The following KNTC1 variants were observed in gnomAD, a reference collection of about 807,000 sequenced individuals.
KNTC1 encodes the protein kinetochore-associated protein 1.
KNTC1 carries 253 observed loss-of-function variants against 314.4 expected under a neutral mutation model. The observed-to-expected ratio is 0.80, with a 90% CI of 0.73 to 0.89. The LOEUF (loss-of-function observed/expected upper bound fraction) is 0.89. KNTC1 is among the 40% of genes least tolerant of loss of function. The pLI, the probability that KNTC1 is intolerant of heterozygous loss-of-function variation, is 0.00. For synonymous variants in KNTC1, 901 were observed against 901.4 expected, an observed-to-expected ratio of 1.00 and a Z score of 0.01; for missense variants, 2,475 against 2,572.9, an observed-to-expected ratio of 0.96 and a Z score of 0.82.
In KNTC1 at chr12:122,571,038, A is replaced by T; in HGVS notation, c.1931A>T (p.Glu644Val). 3 of 1,613,500 alleles carry T rather than the reference A, an allele frequency of 1.9e-6. No individual in the cohort carries two copies. The highest frequency in any genetic ancestry group is 2.5e-6 in the Non-Finnish European group (3 of 1,179,520). ...TCTTTTTTAAAGGCAAATTGGCCAG[A>T]AAATGGACTTCAATTGGCAGAGATA... Reference protein sequence around the residue: ...LELTDKANWPENGLQLAEIFF... With the variant: ...LELTDKANWPVNGLQLAEIFF... The change falls in exon 24 of 64, where the codon GAA becomes GTA. Residue 644 changes from glutamate to valine, a missense_variant. Physicochemically the swap from Glu to Val is moderately radical, Grantham distance 121. Transcript: ENST00000333479.
intron 24 of KNTC1, among the ~76,000 whole-genome samples, chr12:122,571,925 G>A (rs949341591): frequency 6.6e-6 from 1 of 151,714 alleles, no homozygotes; most frequent in Non-Finnish European, 1.5e-5. Flanking sequence ...TGCACTGCTC[G>A]GCCTCCCAAA....
In KNTC1 at chr12:122,579,944, G is replaced by A; in HGVS notation, c.2881G>A (p.Asp961Asn). 1 of 1,611,064 alleles carries A rather than the reference G, an allele frequency of 6.2e-7. No homozygotes were observed. The highest frequency in any genetic ancestry group is 8.5e-7 in the Non-Finnish European group (1 of 1,177,472). The change falls in exon 32 of 64, where the codon GAC becomes AAC. Residue 961 changes from aspartate (D) to asparagine (N), a missense_variant. Transcript: ENST00000333479. Reference sequence around the variant, plus strand: ...AATGTCTGTAGCGAAGACATCCGTGGACATTCTTAAGATACTATGTGACAT... The same window carrying A: ...AATGTCTGTAGCGAAGACATCCGTGAACATTCTTAAGATACTATGTGACAT... ...WRMSVAKTSV[D>N]ILKILCDIQK...
intron 42 of KNTC1, 123 bp from the exon 43 acceptor site, chr12:122,594,153 G>A: frequency 3.2e-6 from 2 of 626,314 alleles, no homozygotes; most frequent in Non-Finnish European, 5.6e-6. Context: ...GGTTGGAGGA[G>A]CTATAGACAA....
intron 33 of KNTC1, among the ~76,000 whole-genome samples, chr12:122,582,408 C>G (rs1056938807): frequency 3.9e-5 from 6 of 151,956 alleles, no homozygotes; most frequent in Admixed American, 1.3e-4. Flanking sequence ...CAGAGTGAAA[C>G]CCTGCCTTAA....
intron 33 of KNTC1, 61 bp downstream of exon 33, chr12:122,580,731 T>G (rs946842695): frequency 1.7e-6 from 2 of 1,201,670 alleles, no homozygotes; most frequent in Non-Finnish European, 2.4e-6. Context: ...TTTTCCCTCC[T>G]TAAAGTTTTC....
At position 122,587,823 on chromosome 12, in the gene KNTC1, C is replaced by T; in HGVS notation, c.3843C>T (p.Thr1281=). 6 of 1,613,838 alleles carry T rather than the reference C, an allele frequency of 3.7e-6. No homozygotes were observed. The highest frequency in any genetic ancestry group is 5.1e-6 in the Non-Finnish European group (6 of 1,179,822). ...ALRFVVGSFG[T]CLQHSVSNFM... ...GATTTGTGGTTGGTTCATTTGGTAC[C>T]TGTCTTCAGCACTCTGTGTCAAACT... The change falls in exon 39 of 64, where the codon ACC becomes ACT. Residue 1281 remains threonine (T), a synonymous_variant. Transcript: ENST00000333479.
chr12:122,571,597 G>C (rs1964692453), intron 24 of KNTC1, among the ~76,000 whole-genome samples: 1 of 152,058 alleles, frequency 6.6e-6, no homozygotes, highest in East Asian at 1.9e-4. Flanking sequence ...AGACCCAAGT[G>C]ATCTACCCAC....
intron 54 of KNTC1, 138 bp from the exon 55 acceptor site, chr12:122,613,488 A>G (rs1873407877): frequency 2.8e-6 from 2 of 711,846 alleles, no homozygotes; most frequent in South Asian, 4.4e-5. Context: ...TAATGTTATT[A>G]TATATTCAGT....
intron 57 of KNTC1, among the ~76,000 whole-genome samples, chr12:122,617,792 T>G (rs1021880402): frequency 3.3e-5 from 5 of 152,240 alleles, no homozygotes; most frequent in Non-Finnish European, 7.3e-5. Flanking sequence ...AAACTATAAA[T>G]GTACAGTTTT....
chr12:122,592,636 G>A (rs187260993), intron 42 of KNTC1, among the ~76,000 whole-genome samples: 3 of 152,304 alleles, frequency 2.0e-5, no homozygotes, highest in African/African-American at 7.2e-5. Context: ...GAGAACCTGT[G>A]TGTCAAAACT....
At position 122,566,534 on chromosome 12, in the gene KNTC1, C is replaced by T. The variant is rs778111144; in HGVS notation, c.1605-1727C>T. On this transcript the variant is annotated intron_variant, in intron 20 of 63. Transcript: ENST00000333479. Reference sequence around the variant, plus strand: ...AAGTGATTCTCCTGCCTCAGCCTCCCGACTAGCTGGGATTACAGGCATGCA... The same window carrying T: ...AAGTGATTCTCCTGCCTCAGCCTCCTGACTAGCTGGGATTACAGGCATGCA... Among the ~76,000 whole-genome samples the T allele has an allele frequency of 2.4e-4, 36 of 151,388 alleles. No individual in the cohort carries two copies. The Middle Eastern group carries it at 0.017, about 72-fold the overall frequency.
rs1555224817 is a variant in KNTC1, at chr12:122,554,076, A to ATATATAT, written c.1272+2380_1272+2381insTATATAT. On this transcript the variant is annotated intron_variant, in intron 16 of 63. Coordinates refer to ENST00000333479, the MANE Select transcript of KNTC1 (RefSeq NM_014708.6). ...CAGAATACTTCCTTAAAAAAAAAAA[A>ATATATAT]ATATATATATATATATATATATATT... Among the ~76,000 whole-genome samples, 811 of 108,986 alleles carry ATATATAT rather than the reference A, an allele frequency of 7.4e-3. 7 individuals are homozygous for ATATATAT. Among genetic ancestry groups the ATATATAT allele is most frequent in the African/African-American group, 0.015 (384 of 25,668 alleles). The allele number at this position is 108,986 out of a possible 152,430, so 71.5% of individuals were successfully genotyped here.
At chr12:122,601,411 A>T (rs1294446745) in intron 44 of KNTC1, 125 bp from the exon 45 acceptor site, 1 of 880,340 alleles carries the variant, frequency 1.1e-6, no homozygotes, top group Non-Finnish European at 1.6e-6. Flanking sequence ...TAAGGGAGTA[A>T]TTAATTTAAC....
intron 31 of KNTC1, among the ~76,000 whole-genome samples, chr12:122,579,581 T>C (rs1458971861): frequency 7.0e-6 from 1 of 142,456 alleles, no homozygotes; most frequent in African/African-American, 3.1e-5. Context: ...TTTAGACTTC[T>C]ATTCTTTTTA....
Position 122,557,500 on chromosome 12 carries a change from T to G in KNTC1, c.1389T>G (p.His463Gln), listed in dbSNP as rs767959224. The change falls in exon 17 of 64, where the codon CAT (histidine) becomes CAG (glutamine). Residue 463 changes from histidine (H) to glutamine (Q), a missense_variant. His to Gln is a conservative substitution (Grantham distance 24, BLOSUM62 0). Transcript: ENST00000333479. ...QLVDDAKENL[H>Q]KIQDDEFVVN... ...TAGACGACGCTAAGGAAAATCTACATAAGATCCAGGTATGTTTTTCTTGTC... is the reference window on the plus strand; with the variant it reads ...TAGACGACGCTAAGGAAAATCTACAGAAGATCCAGGTATGTTTTTCTTGTC... The G allele has an allele frequency of 1.1e-5, 17 of 1,613,714 alleles. No homozygotes were observed. Among genetic ancestry groups the G allele is most frequent in the Middle Eastern group, 3.3e-4 (2 of 6,062 alleles).
At chr12:122,606,284 G>A (rs1417902455) in intron 51 of KNTC1, among the ~76,000 whole-genome samples, 3 of 141,920 alleles carry the variant, frequency 2.1e-5, no homozygotes, top group Non-Finnish European at 3.0e-5. Context: ...CTGGAGTGCA[G>A]TGGCGTGATC....
rs1384134907 is a variant in KNTC1, at chr12:122,538,353, G to A, written c.265G>A (p.Val89Ile). The A allele has an allele frequency of 6.3e-7, 1 of 1,592,192 alleles. No individual in the cohort carries two copies. Among genetic ancestry groups the A allele is most frequent in the Admixed American group, 1.7e-5 (1 of 57,864 alleles). ...LHLVFDTEVD[V>I]VGLCQEGKFL... ...GAAATTTTCAGATACTGAAGTGGAT[G>A]TAGTTGGCCTTTGTCAAGAAGGAAA... is the stretch of plus-strand genomic sequence containing the variant. The change falls in exon 4 of 64, where the codon GTA becomes ATA. Residue 89 changes from valine (V) to isoleucine (I), a missense_variant. Coordinates refer to ENST00000333479, the MANE Select transcript of KNTC1 (RefSeq NM_014708.6).
At chr12:122,555,242 C>T (rs1191998404) in intron 16 of KNTC1, among the ~76,000 whole-genome samples, 1 of 152,138 alleles carries the variant, frequency 6.6e-6, no homozygotes, top group Non-Finnish European at 1.5e-5. Flanking sequence ...AAATATCTTT[C>T]TTCGGTTGAT....
intron 48 of KNTC1, among the ~76,000 whole-genome samples, 189 bp from the exon 49 acceptor site, chr12:122,604,375 G>C (rs914792515): frequency 6.6e-6 from 1 of 151,694 alleles, no homozygotes; most frequent in Non-Finnish European, 1.5e-5. Flanking sequence ...TCAAACTCCT[G>C]ACCTCAGGTG....
Sources: gnomAD v4.1 joint callset for allele counts (sites outside exome capture counted in the v4.1 genomes callset) on GRCh38, gnomAD v4.1.1 for gene constraint, MANE v1.5 for transcripts, NCBI Gene and HGNC (gene_info 2026-07-23, HGNC 2026-07-21) for gene names.